The following WWOX variants were observed in gnomAD, a reference collection of about 807,000 sequenced individuals.
WWOX encodes WW domain-containing oxidoreductase.
In WWOX, 69 loss-of-function variants were observed where a neutral mutation model predicts 46.2. The observed-to-expected ratio is 1.49, with a 90% confidence interval of 1.23 to 1.82. The LOEUF (loss-of-function observed/expected upper bound fraction) is 1.82. Among genes scored for constraint, WWOX ranks in the 40% most tolerant of loss-of-function variants. The probability of loss-of-function intolerance (pLI) is 0.00; values close to 1 mark genes in which losing one functional copy is unlikely to be tolerated. For synonymous variants in WWOX, 359 were observed against 202.6 expected (o/e 1.77, Z -6.56); for missense variants, 919 against 542.6 (o/e 1.69, Z -6.89).
intron 8 of WWOX, among the ~76,000 whole-genome samples, chr16:78,989,956 G>A (rs2046853766): frequency 6.6e-6 from 1 of 151,752 alleles, no homozygotes; most frequent in African/African-American, 2.4e-5. Context: ...GCCGGGGCGA[G>A]CAAATTGCTT....
chr16:79,001,304 C>G (rs536282659), intron 8 of WWOX, among the ~76,000 whole-genome samples: 1 of 152,132 alleles, frequency 6.6e-6, no homozygotes, highest in Admixed American at 6.5e-5. Context: ...CAATCAGCTG[C>G]TCTCCCTCCC....
intron 8 of WWOX, among the ~76,000 whole-genome samples, chr16:79,100,054 C>G (rs1408289549): frequency 6.6e-6 from 1 of 152,186 alleles, no homozygotes; most frequent in East Asian, 1.9e-4. Flanking sequence ...ATGATTGACT[C>G]CGTCACACTC....
chr16:78,669,170 G>A (rs180706356), intron 8 of WWOX, among the ~76,000 whole-genome samples: 73 of 152,220 alleles, frequency 4.8e-4, no homozygotes, highest in Admixed American at 4.2e-3. Context: ...CCCCAGAACC[G>A]GAAGACAAAA....
At chr16:78,509,924 TA>T (rs59162697) in intron 8 of WWOX, among the ~76,000 whole-genome samples, 28,096 of 142,480 alleles carry the variant, frequency 0.2, 4,050 homozygotes, top group African/African-American at 0.41. Context: ...CTCATCTCTT[TA>T]AAAAAAAAAA....
At chr16:78,374,263 A>G (rs1276768816) in intron 5 of WWOX, among the ~76,000 whole-genome samples, 2 of 151,712 alleles carry the variant, frequency 1.3e-5, no homozygotes, top group African/African-American at 4.8e-5. Flanking sequence ...ACATGTTTAA[A>G]TTTTTTCTTA....
intron 8 of WWOX, among the ~76,000 whole-genome samples, chr16:79,088,923 A>C (rs114825617): frequency 6.6e-6 from 1 of 152,134 alleles, no homozygotes; most frequent in African/African-American, 2.4e-5. Context: ...ATTGGAGTGT[A>C]CTTTTAAAAT....
At chr16:79,036,925 T>G (rs1214360124) in intron 8 of WWOX, among the ~76,000 whole-genome samples, 2 of 152,198 alleles carry the variant, frequency 1.3e-5, no homozygotes, top group Admixed American at 1.3e-4. Flanking sequence ...GTTCTGAAGA[T>G]ACGTATTTCT....
chr16:78,627,696 C>G (rs757008231), intron 8 of WWOX, among the ~76,000 whole-genome samples: 2 of 152,152 alleles, frequency 1.3e-5, no homozygotes, highest in Non-Finnish European at 2.9e-5. Context: ...AACTTTGATG[C>G]AAATCCTGGG....
At chr16:78,641,271 C>G (rs1456497723) in intron 8 of WWOX, among the ~76,000 whole-genome samples, 7 of 151,996 alleles carry the variant, frequency 4.6e-5, no homozygotes, top group Non-Finnish European at 7.4e-5. Flanking sequence ...AGAGAAGCCC[C>G]CAGACCGGAG....
intron 8 of WWOX, among the ~76,000 whole-genome samples, chr16:78,865,770 C>T (rs1026300066): frequency 6.6e-6 from 1 of 152,140 alleles, no homozygotes; most frequent in Non-Finnish European, 1.5e-5. Flanking sequence ...ATCCCAGCTA[C>T]TCAGGAGACG....
intron 8 of WWOX, among the ~76,000 whole-genome samples, chr16:78,592,127 T>C (rs917053016): frequency 1.2e-4 from 19 of 152,238 alleles, no homozygotes; most frequent in African/African-American, 4.6e-4. Flanking sequence ...CAATATATGA[T>C]GTGCATATGT....
At chr16:78,659,860 C>T (rs780420336) in intron 8 of WWOX, among the ~76,000 whole-genome samples, 1 of 152,130 alleles carries the variant, frequency 6.6e-6, no homozygotes, top group Non-Finnish European at 1.5e-5. Context: ...ACATTTATTT[C>T]GGAAGAGCAA....
intron 5 of WWOX, among the ~76,000 whole-genome samples, chr16:78,239,042 C>G (rs1242115891): frequency 1.3e-5 from 2 of 152,162 alleles, no homozygotes; most frequent in East Asian, 3.9e-4. Context: ...CTGCCTGATT[C>G]CAGGATGCTC....
chr16:78,503,082 G>A (rs993138211), intron 8 of WWOX, among the ~76,000 whole-genome samples: 8 of 152,270 alleles, frequency 5.3e-5, no homozygotes, highest in African/African-American at 1.4e-4. Context: ...CCTTTCATAT[G>A]TTGCTGACTG....
chr16:78,724,912 A>C (rs993662074), intron 8 of WWOX, among the ~76,000 whole-genome samples: 1 of 152,148 alleles, frequency 6.6e-6, no homozygotes, highest in African/African-American at 2.4e-5. Context: ...GAGGCTGAGC[A>C]CCTAGTAGTG....
At chr16:78,189,392 T>C (rs1382469665) in intron 5 of WWOX, among the ~76,000 whole-genome samples, 3 of 152,200 alleles carry the variant, frequency 2.0e-5, no homozygotes, top group African/African-American at 7.2e-5. Flanking sequence ...GAGATTGTCC[T>C]TGTCTCCATC....
intron 8 of WWOX, among the ~76,000 whole-genome samples, chr16:78,565,637 G>C (rs534750613): frequency 6.6e-6 from 1 of 152,168 alleles, no homozygotes; most frequent in African/African-American, 2.4e-5. Flanking sequence ...CATGGCTGAT[G>C]ACAGAGTCAC....
In WWOX at chr16:79,056,635, C is replaced by A. The variant is rs1054901770; in HGVS notation, c.1057-154973C>A. 2.0e-5 allele frequency among the ~76,000 whole-genome samples: 3 copies of A among 152,150 alleles called. No individual in the cohort carries two copies. In the East Asian group the frequency reaches 5.8e-4, roughly 29 times the overall value. On this transcript the variant is annotated intron_variant, in intron 8 of 8. Transcript: ENST00000566780. ...CTACCCACTAGATGCCAGTAGCATC[C>A]CTTCCCCCTCTTGTCACAAACACAA... is the stretch of plus-strand genomic sequence containing the variant.
At chr16:79,003,693 C>T (rs543323240) in intron 8 of WWOX, among the ~76,000 whole-genome samples, 2 of 152,248 alleles carry the variant, frequency 1.3e-5, no homozygotes, top group South Asian at 4.1e-4. Context: ...CGTGGCTGCT[C>T]CAGCACCGTG....
Sources: allele counts gnomAD v4.1 joint callset (sites outside exome capture counted in the v4.1 genomes callset), GRCh38; gene constraint gnomAD v4.1.1; transcripts MANE v1.5; gene names NCBI Gene and HGNC (gene_info 2026-07-23, HGNC 2026-07-21).